UBE2V2: variants seen among roughly 807,000 people sequenced by gnomAD.
The protein encoded by UBE2V2 is ubiquitin-conjugating enzyme E2 variant 2.
A neutral mutation model predicts 17.2 loss-of-function variants in UBE2V2; 9 were observed. The observed-to-expected ratio is 0.52, with a 90% CI of 0.32 to 0.91. The LOEUF (loss-of-function observed/expected upper bound fraction) is 0.91, where lower values mean the gene tolerates loss of function less well. Among genes scored for constraint, UBE2V2 ranks in the 40% least tolerant of loss-of-function variants. The pLI is 0.04. For missense variants in UBE2V2, 133 were observed against 182.6 expected (o/e 0.73, Z 1.56); for synonymous variants, 61 against 57.5 (o/e 1.06, Z -0.28).
intron 1 of UBE2V2, among the ~76,000 whole-genome samples, chr8:48,025,145 A>G (rs538727023): frequency 1.1e-4 from 16 of 152,130 alleles, no homozygotes; most frequent in Middle Eastern, 3.2e-3. Context: ...CGTGTTAGCC[A>G]GGAGATGGTC....
chr8:48,050,704 AAG>A (rs1202571605), intron 3 of UBE2V2, among the ~76,000 whole-genome samples: 1 of 152,016 alleles, frequency 6.6e-6, no homozygotes, highest in Non-Finnish European at 1.5e-5. Context: ...AAAAAAAAAA[AAG>A]AGATGATCAT....
chr8:48,045,224 A>G (rs931647136), intron 2 of UBE2V2, among the ~76,000 whole-genome samples: 5 of 152,206 alleles, frequency 3.3e-5, no homozygotes, highest in African/African-American at 1.2e-4. Context: ...TGAGGCACTT[A>G]TAATAAAAAG....
At chr8:48,009,980 T>C (rs564216360) in intron 1 of UBE2V2, among the ~76,000 whole-genome samples, 8 of 152,202 alleles carry the variant, frequency 5.3e-5, no homozygotes, top group Admixed American at 2.0e-4. Context: ...GGACCTCTTA[T>C]AGATTTTTGA....
the UBE2V2 span, among the ~76,000 whole-genome samples, chr8:48,002,986 C>T: frequency 1.3e-5 from 2 of 151,932 alleles, no homozygotes; most frequent in African/African-American, 4.8e-5. Flanking sequence ...CCGAAGAAGG[C>T]GAATCATGAG....
chr8:48,031,802 C>G (rs894785479), intron 1 of UBE2V2, among the ~76,000 whole-genome samples: 10 of 152,096 alleles, frequency 6.6e-5, no homozygotes, highest in Non-Finnish European at 1.5e-4. Context: ...TGTGCCACCA[C>G]TCTCGGCTAA....
the UBE2V2 span, among the ~76,000 whole-genome samples, chr8:47,998,513 G>A: frequency 5.9e-5 from 9 of 151,922 alleles, no homozygotes; most frequent in African/African-American, 2.2e-4. Context: ...AGGCGGTCAA[G>A]GGTTTCGGAG....
At chr8:48,027,019 C>T (rs567047850) in intron 1 of UBE2V2, among the ~76,000 whole-genome samples, 1 of 152,284 alleles carries the variant, frequency 6.6e-6, no homozygotes, top group Admixed American at 6.5e-5. Flanking sequence ...GAGTCTCGCT[C>T]TGTTGCCCAG....
chr8:48,037,589 TCTC>T (rs1192911478), intron 1 of UBE2V2, among the ~76,000 whole-genome samples: 4 of 152,196 alleles, frequency 2.6e-5, no homozygotes, highest in South Asian at 2.1e-4. Context: ...TTCTTACGCT[TCTC>T]CTTCTCTAAT....
the UBE2V2 span, among the ~76,000 whole-genome samples, chr8:47,999,075 A>C: frequency 6.6e-6 from 1 of 152,226 alleles, no homozygotes; most frequent in Non-Finnish European, 1.5e-5. Context: ...GGGTTTGCTT[A>C]TCGCAGCAAG....
At chr8:48,027,995 A>G (rs542566772) in intron 1 of UBE2V2, among the ~76,000 whole-genome samples, 3 of 151,950 alleles carry the variant, frequency 2.0e-5, no homozygotes, top group Admixed American at 6.6e-5. Flanking sequence ...CTGGGATTAC[A>G]GGTGCCCACC....
At position 48,033,611 on chromosome 8, in the gene UBE2V2, C is replaced by G. The variant is rs187791253; in HGVS notation, c.17-9422C>G. ...TAACATATTCATCATCTTACAGTTACCTGTTTTCCTCCCTGTGGCAAGAGC... is the reference window on the plus strand; with the variant it reads ...TAACATATTCATCATCTTACAGTTAGCTGTTTTCCTCCCTGTGGCAAGAGC... On this transcript the variant is annotated intron_variant, in intron 1 of 3. Transcript: ENST00000523111. Among the ~76,000 whole-genome samples the G allele has an allele frequency of 3.3e-5, 5 of 152,096 alleles. No homozygotes were observed. In the East Asian group the frequency reaches 9.6e-4, roughly 29 times the overall value.
At chr8:48,053,641 G>T (rs1043997169) in intron 3 of UBE2V2, among the ~76,000 whole-genome samples, 2 of 151,614 alleles carry the variant, frequency 1.3e-5, no homozygotes, top group South Asian at 4.2e-4. Context: ...GGTTAGGCTG[G>T]TCTCAAACTC....
At chr8:48,057,208 G>C (rs2091578709) in intron 3 of UBE2V2, among the ~76,000 whole-genome samples, 2 of 152,092 alleles carry the variant, frequency 1.3e-5, no homozygotes, top group Non-Finnish European at 2.9e-5. Context: ...GATGAATATT[G>C]TCATCTTCAC....
At chr8:48,041,148 G>A (rs1589861057) in intron 1 of UBE2V2, among the ~76,000 whole-genome samples, 1 of 149,368 alleles carries the variant, frequency 6.7e-6, no homozygotes, top group African/African-American at 2.5e-5. Context: ...ACAGGCGTGA[G>A]CCACTGTGCC....
intron 1 of UBE2V2, among the ~76,000 whole-genome samples, chr8:48,040,734 C>T (rs2091456338): frequency 6.6e-6 from 1 of 151,762 alleles, no homozygotes; most frequent in Non-Finnish European, 1.5e-5. Flanking sequence ...TCAAGCGATT[C>T]TGCAGCAGCC....
Position 48,043,138 on chromosome 8 carries a change from T to A in UBE2V2, c.122T>A (p.Met41Lys), listed in dbSNP as rs773944601. ...VSWGLEDDED[M>K]TLTRWTGMII... ...TGGGGCCTTGAAGATGATGAAGATA[T>A]GACACTTACAAGGTGGACAGGCATG... The change falls in exon 2 of 4, where the codon ATG becomes AAG. Residue 41 changes from methionine to lysine, a missense_variant. This residue lies in a region of UBE2V2 where 92 missense variants were observed against 124.3 expected (regional missense o/e 0.74). Transcript: ENST00000523111. 3 of 1,591,468 alleles carry A rather than the reference T, an allele frequency of 1.9e-6. No individual in the cohort carries two copies. Among genetic ancestry groups the A allele is most frequent in the Non-Finnish European group, 2.6e-6 (3 of 1,166,660 alleles).
intron 1 of UBE2V2, among the ~76,000 whole-genome samples, chr8:48,014,380 C>G (rs1035105301): frequency 1.3e-5 from 2 of 152,168 alleles, no homozygotes; most frequent in Non-Finnish European, 2.9e-5. Flanking sequence ...CATGGTGGCT[C>G]ACGCCTGTAA....
intron 1 of UBE2V2, among the ~76,000 whole-genome samples, chr8:48,038,765 G>A (rs2091441702): frequency 6.6e-6 from 1 of 151,898 alleles, no homozygotes; most frequent in African/African-American, 2.4e-5. Flanking sequence ...ACAGGCGTGA[G>A]CTACCATGTC....
chr8:48,031,585 A>C (rs1172979821), intron 1 of UBE2V2, among the ~76,000 whole-genome samples: 1 of 152,184 alleles, frequency 6.6e-6, no homozygotes, highest in Non-Finnish European at 1.5e-5. Flanking sequence ...AAATCCTCTA[A>C]TCCAGAGGTT....
Sources: allele counts gnomAD v4.1 joint callset (sites outside exome capture counted in the v4.1 genomes callset), GRCh38; gene constraint gnomAD v4.1.1; regional missense constraint gnomAD v4.1.1; transcripts MANE v1.5; gene names NCBI Gene and HGNC (gene_info 2026-07-23, HGNC 2026-07-21).